MPPE1: variants seen among roughly 807,000 people sequenced by gnomAD.
The protein encoded by MPPE1 is metallo phosphoesterase.
MPPE1 carries 28 observed loss-of-function variants against 43.8 expected under a neutral mutation model. The observed-to-expected ratio is 0.64, with a 90% confidence interval of 0.47 to 0.88. The LOEUF is 0.88. Ranked by LOEUF, MPPE1 falls within the 40% of genes least tolerant of loss-of-function variation. The pLI is 0.00. For synonymous variants in MPPE1, 159 were observed against 188.5 expected (o/e 0.84, Z 1.28); for missense variants, 428 against 492.2 (o/e 0.87, Z 1.23).
At chr18:11,887,384 G>A (rs1436189647) in intron 6 of MPPE1, among the ~76,000 whole-genome samples, 7 of 152,134 alleles carry the variant, frequency 4.6e-5, no homozygotes, top group African/African-American at 1.7e-4. Flanking sequence ...CACCCCATCA[G>A]CTGGTTGTGA....
chr18:11,904,399 C>T (rs1230213131), intron 2 of MPPE1, among the ~76,000 whole-genome samples: 5 of 152,042 alleles, frequency 3.3e-5, no homozygotes, highest in African/African-American at 1.2e-4. Flanking sequence ...AGTGCAACCT[C>T]CGCCTCCTGG....
In MPPE1 at chr18:11,888,753, A is replaced by G. The variant is rs758005371; in HGVS notation, c.495-10T>C. The G allele has an allele frequency of 1.2e-5, 19 of 1,540,236 alleles. No individual in the cohort carries two copies. In the African/African-American group the frequency reaches 2.7e-4, roughly 22 times the overall value. On this transcript the variant is annotated splice_polypyrimidine_tract_variant and intron_variant, in intron 5 of 10. Coordinates refer to ENST00000588072, the MANE Select transcript of MPPE1 (RefSeq NM_023075.6). Reference sequence around the variant, plus strand: ...TTTGTATGTGTTCATCCTATATTCAATTGTGAGAAGAAACATTTTTCAGGA... The same window carrying G: ...TTTGTATGTGTTCATCCTATATTCAGTTGTGAGAAGAAACATTTTTCAGGA...
Position 11,884,415 on chromosome 18 carries a change from G to A in MPPE1, c.*30C>T, listed in dbSNP as rs2036864794. On this transcript the variant is annotated 3_prime_UTR_variant, in exon 11 of 11. Transcript: ENST00000588072. ...TCTCTGCCCAAAGTTCCATTTCTTG[G>A]GCTTTGATATTTATAATGGCGCCTG... 1 of 1,603,508 alleles carries A rather than the reference G, an allele frequency of 6.2e-7. No homozygotes were observed. The highest frequency in any genetic ancestry group is 1.3e-5 in the African/African-American group (1 of 74,504).
In MPPE1 at chr18:11,888,696, T is replaced by C. The variant is rs775838944; in HGVS notation, c.542A>G (p.Glu181Gly). 3.1e-6 allele frequency: 5 copies of C among 1,602,420 alleles called. No individual in the cohort carries two copies. The highest frequency in any genetic ancestry group is 4.3e-6 in the Non-Finnish European group (5 of 1,175,828). Residue 181 changes from glutamate (E) to glycine (G), a missense_variant, in exon 6 of 11, where the codon GAA (glutamate) becomes GGA (glycine). Transcript: ENST00000588072. ...AATGCCTTTCCAAGAAAACAGTCTT[T>C]CAGAGCTGAACACTTTCTCAAAGCG... Reference protein sequence around the residue: ...VERFEKVFSSERLFSWKGINF... With the variant: ...VERFEKVFSSGRLFSWKGINF...
At position 11,883,970 on chromosome 18, in the gene MPPE1, T is replaced by A. The variant is rs1304991200; in HGVS notation, c.*475A>T. On this transcript the variant is annotated 3_prime_UTR_variant, in exon 11 of 11. Coordinates refer to ENST00000588072, the MANE Select transcript of MPPE1 (RefSeq NM_023075.6). The stretch of plus-strand genomic sequence containing the variant: ...CCTCCCAAAGTGCTGGGATTACAGG[T>A]GTGAGCCACTGTGCCCGGCCACATC... 1.3e-5 allele frequency: 2 copies of A among 153,578 alleles called. No individual in the cohort carries two copies. The highest frequency in any genetic ancestry group is 2.0e-4 in the South Asian group (1 of 4,968). The allele number at this position is 153,578 out of a possible 1,614,324, so 9.5% of individuals were successfully genotyped here.
In MPPE1 at chr18:11,886,750, C is replaced by G; in HGVS notation, c.707G>C (p.Gly236Ala). 1 of 1,613,400 alleles carries G rather than the reference C, an allele frequency of 6.2e-7. No individual in the cohort carries two copies. The highest frequency in any genetic ancestry group is 1.1e-5 in the South Asian group (1 of 91,070). The change falls in exon 8 of 11, where the codon GGG becomes GCG. Residue 236 changes from glycine (G) to alanine (A), a missense_variant. Transcript: ENST00000588072. The surrounding 1 kb of genome is among the most constrained non-coding windows in gnomAD (Gnocchi z 4.1). ...AGGGGCAGACGTGGGCAGCAGAGGCCCAGGTCCACACCGGCTGGAGCCACG... is the reference window on the plus strand; with the variant it reads ...AGGGGCAGACGTGGGCAGCAGAGGCGCAGGTCCACACCGGCTGGAGCCACG... ...EARGSSRCGP[G>A]PLLPTSAPVL...
intron 4 of MPPE1, among the ~76,000 whole-genome samples, chr18:11,892,539 C>T (rs1166678971): frequency 6.6e-6 from 1 of 151,496 alleles, no homozygotes; most frequent in African/African-American, 2.4e-5. Flanking sequence ...CGTGGTGACA[C>T]AGGAAATGCC....
intron 2 of MPPE1, among the ~76,000 whole-genome samples, chr18:11,897,787 T>C (rs796213755): frequency 6.6e-6 from 1 of 152,194 alleles, no homozygotes; most frequent in Non-Finnish European, 1.5e-5. Flanking sequence ...ATGTGTTGCT[T>C]TTGGTGTTAA....
At chr18:11,896,092 ATTCT>A (rs2038576479) in intron 3 of MPPE1, among the ~76,000 whole-genome samples, 3 of 103,722 alleles carry the variant, frequency 2.9e-5, no homozygotes, top group Non-Finnish European at 4.0e-5. Context: ...CTTATTCTTT[ATTCT>A]TTTTTTTTTT....
chr18:11,893,295 G>A (rs888854855), intron 4 of MPPE1, 173 bp downstream of exon 4: 1 of 566,678 alleles, frequency 1.8e-6, no homozygotes, highest in Non-Finnish European at 3.1e-6. Context: ...AATAATCTTA[G>A]ATAGCCTATG....
intron 2 of MPPE1, among the ~76,000 whole-genome samples, chr18:11,897,884 A>G (rs1375614348): frequency 6.6e-6 from 1 of 152,226 alleles, no homozygotes; most frequent in East Asian, 1.9e-4. Flanking sequence ...TTCATTCCAC[A>G]TTGGACCCAG....
rs76327207 is a variant in MPPE1 at position 11,883,622 on chromosome 18, C to A, written c.*823G>T. 2.6e-5 allele frequency: 4 copies of A among 153,490 alleles called. No homozygotes were observed. In the East Asian group the frequency reaches 7.7e-4, roughly 30 times the overall value. The allele number at this position is 153,490 out of a possible 1,614,324, so 9.5% of individuals were successfully genotyped here. The stretch of plus-strand genomic sequence containing the variant: ...GAGAAAATTACACTTATCTAAAAAT[C>A]TGATTCCATTAATTGATCAAGTATA... On this transcript the variant is annotated 3_prime_UTR_variant, in exon 11 of 11. Coordinates refer to ENST00000588072, the MANE Select transcript of MPPE1 (RefSeq NM_023075.6).
chr18:11,895,550 T>A (rs1270889181), intron 3 of MPPE1, among the ~76,000 whole-genome samples: 4 of 152,042 alleles, frequency 2.6e-5, no homozygotes, highest in African/African-American at 9.7e-5. Context: ...TTACTTTTTT[T>A]TTTTTAGAGA....
intron 3 of MPPE1, among the ~76,000 whole-genome samples, chr18:11,894,291 G>A (rs986120924): frequency 6.6e-6 from 1 of 152,034 alleles, no homozygotes; most frequent in Non-Finnish European, 1.5e-5. Flanking sequence ...AGCCATGCAT[G>A]GTGGCATGCG....
chr18:11,895,542 A>G lies in MPPE1; in HGVS notation c.281+1442T>C, dbSNP rs1008062388. On this transcript the variant is annotated intron_variant, in intron 3 of 10. Coordinates refer to ENST00000588072, the MANE Select transcript of MPPE1 (RefSeq NM_023075.6). ...TTCTCCGTTTTTCTTATTTTATTTT[A>G]CTTTTTTTTTTTTAGAGACAGGCTC... Among the ~76,000 whole-genome samples the G allele has an allele frequency of 7.2e-5, 9 of 125,578 alleles. No homozygotes were observed. The East Asian group carries it at 2.5e-3, about 35-fold the overall frequency. The allele number at this position is 125,578 out of a possible 152,430, so 82.4% of individuals were successfully genotyped here. A position where few individuals can be genotyped will look rare whatever the true frequency, so the allele number is the denominator to read the frequency against.
intron 4 of MPPE1, among the ~76,000 whole-genome samples, chr18:11,890,772 C>A (rs148104758): frequency 6.4e-4 from 98 of 152,304 alleles, no homozygotes; most frequent in African/African-American, 2.4e-3. Flanking sequence ...TAAGAACAGG[C>A]TCTGACAAAA....
chr18:11,888,431 A>T (rs1567933818), intron 6 of MPPE1, among the ~76,000 whole-genome samples: 1 of 152,234 alleles, frequency 6.6e-6, no homozygotes, highest in Non-Finnish European at 1.5e-5. Flanking sequence ...GGGCAGAGTC[A>T]TAAACTGACC....
rs562777820 is a variant in MPPE1 at position 11,888,292 on chromosome 18, G to A, written c.569+377C>T. Among the ~76,000 whole-genome samples the A allele has an allele frequency of 5.6e-4, 86 of 152,326 alleles. 2 individuals are homozygous for A. The highest frequency in any genetic ancestry group is 3.6e-4 in the African/African-American group (15 of 41,574). On this transcript the variant is annotated intron_variant, in intron 6 of 10. Coordinates refer to ENST00000588072, the MANE Select transcript of MPPE1 (RefSeq NM_023075.6). Reference sequence around the variant, plus strand: ...ATAGTAGTTATGACACCATAACTACGAGAACAGTCTTTGTAACGTGAAATT... The same window carrying A: ...ATAGTAGTTATGACACCATAACTACAAGAACAGTCTTTGTAACGTGAAATT...
chr18:11,891,950 G>A (rs749066632), intron 4 of MPPE1, among the ~76,000 whole-genome samples: 6 of 151,918 alleles, frequency 3.9e-5, no homozygotes, highest in Non-Finnish European at 2.9e-5. Flanking sequence ...GAGTAGCGGC[G>A]TGCACCATCA....
Sources: gnomAD v4.1 joint callset for allele counts (sites outside exome capture counted in the v4.1 genomes callset) on GRCh38, gnomAD v4.1.1 for gene constraint, Gnocchi (gnomAD v3.1) non-coding constraint, MANE v1.5 for transcripts, NCBI Gene and HGNC (gene_info 2026-07-23, HGNC 2026-07-21) for gene names.